PCDHGB7: variants seen among roughly 807,000 people sequenced by gnomAD.
PCDHGB7 encodes protocadherin gamma subfamily B, 7.
PCDHGB7 carries 37 observed loss-of-function variants against 61.4 expected under a neutral mutation model. The ratio of observed to expected loss-of-function variants is 0.60; its 90% CI spans 0.46 to 0.79. The LOEUF (loss-of-function observed/expected upper bound fraction) is 0.79, where lower values mean the gene tolerates loss of function less well. PCDHGB7 is among the 30% of genes least tolerant of loss of function. The probability of loss-of-function intolerance (pLI) is 0.00; values close to 1 mark genes in which losing one functional copy is unlikely to be tolerated. For synonymous variants in PCDHGB7, 464 were observed against 503.5 expected (o/e 0.92, Z 1.05); for missense variants, 1,166 against 1,202.5 (o/e 0.97, Z 0.45).
chr5:141,423,539 T>C (rs747825176), intron 1 of PCDHGB7: 10 of 1,613,140 alleles, frequency 6.2e-6, no homozygotes, highest in Non-Finnish European at 8.5e-6. Flanking sequence ...CACCTGATTT[T>C]CCCCCAGCCC....
At position 141,490,328 on chromosome 5, in the gene PCDHGB7, C is replaced by T; in HGVS notation, c.2416-4479C>T. 2 of 1,614,228 alleles carry T rather than the reference C, an allele frequency of 1.2e-6. No homozygotes were observed. Among genetic ancestry groups the T allele is most frequent in the Non-Finnish European group, 1.7e-6 (2 of 1,180,048 alleles). Reference sequence around the variant, plus strand: ...TTGGCCAACCCTGTCCTAGAGAGCACACCAGTGGGCACAGTAGTGGGGTTG... The same window carrying T: ...TTGGCCAACCCTGTCCTAGAGAGCATACCAGTGGGCACAGTAGTGGGGTTG... On this transcript the variant is annotated intron_variant, in intron 1 of 3. Coordinates refer to ENST00000398594, the MANE Select transcript of PCDHGB7 (RefSeq NM_018927.4). The surrounding 1 kb of genome is among the most constrained non-coding windows in gnomAD (Gnocchi z 5.4).
chr5:141,421,811 T>A, intron 1 of PCDHGB7: 1 of 1,613,766 alleles, frequency 6.2e-7, no homozygotes, highest in Non-Finnish European at 8.5e-7. Flanking sequence ...AATCCAGAGC[T>A]AGTACTGGAG....
intron 1 of PCDHGB7, among the ~76,000 whole-genome samples, chr5:141,447,984 G>C (rs1300057273): frequency 6.6e-6 from 1 of 151,952 alleles, no homozygotes; most frequent in African/African-American, 2.4e-5. Context: ...TACTCGGGAG[G>C]CTGAGGCATG....
At chr5:141,478,496 C>G in intron 1 of PCDHGB7, 1 of 1,613,014 alleles carries the variant, frequency 6.2e-7, no homozygotes, top group Non-Finnish European at 8.5e-7. Flanking sequence ...GAGCTGTGAT[C>G]CGGTGTTCTA....
chr5:141,465,574 C>T (rs1477852984), intron 1 of PCDHGB7, among the ~76,000 whole-genome samples: 2 of 152,160 alleles, frequency 1.3e-5, no homozygotes, highest in Admixed American at 1.3e-4. Context: ...TTTCTCAAAA[C>T]ACTCTCATAA....
At position 141,431,178 on chromosome 5, in the gene PCDHGB7, T is replaced by A; in HGVS notation, c.2415+10904T>A. 2 of 1,614,078 alleles carry A rather than the reference T, an allele frequency of 1.2e-6. No individual in the cohort carries two copies. Among genetic ancestry groups the A allele is most frequent in the Non-Finnish European group, 1.7e-6 (2 of 1,180,000 alleles). On this transcript the variant is annotated intron_variant, in intron 1 of 3. Coordinates refer to ENST00000398594, the MANE Select transcript of PCDHGB7 (RefSeq NM_018927.4). This position sits in a 1 kb window ranked among gnomAD's most constrained non-coding sequence, Gnocchi z 4.8. ...TACTTTCGTGAAAGTGAATTAGAAATAAAAATTAGTGAAAATGCAGCCACT... is the reference window on the plus strand; with the variant it reads ...TACTTTCGTGAAAGTGAATTAGAAAAAAAAATTAGTGAAAATGCAGCCACT...
At chr5:141,499,212 G>A (rs904920940) in intron 2 of PCDHGB7, among the ~76,000 whole-genome samples, 1 of 151,898 alleles carries the variant, frequency 6.6e-6, no homozygotes, top group African/African-American at 2.4e-5. Context: ...TGTAACCCAG[G>A]CCCTGCCCTG....
rs1210499024 is a variant in PCDHGB7 at position 141,431,784 on chromosome 5, A to T, written c.2415+11510A>T. ...CTGATCACTGTTCTGGACGTGAACG[A>T]CAATGCCCCAGAAGTGGTCCTCACC... On this transcript the variant is annotated intron_variant, in intron 1 of 3. Transcript: ENST00000398594. This position sits in a 1 kb window ranked among gnomAD's most constrained non-coding sequence, Gnocchi z 4.8. The T allele has an allele frequency of 6.2e-7, 1 of 1,614,102 alleles. No homozygotes were observed. The highest frequency in any genetic ancestry group is 8.5e-7 in the Non-Finnish European group (1 of 1,180,030).
At chr5:141,472,347 C>G (rs992566469) in intron 1 of PCDHGB7, among the ~76,000 whole-genome samples, 11 of 152,028 alleles carry the variant, frequency 7.2e-5, no homozygotes, top group Non-Finnish European at 1.2e-4. Context: ...CGAGACCATC[C>G]TGGCTAACAC....
chr5:141,462,959 G>A lies in PCDHGB7; in HGVS notation c.2416-31848G>A, dbSNP rs188938907. 5.1e-3 allele frequency among the ~76,000 whole-genome samples: 776 copies of A among 152,188 alleles called. 5 individuals are homozygous for A. Among genetic ancestry groups the A allele is most frequent in the Non-Finnish European group, 8.2e-3 (557 of 67,994 alleles). On this transcript the variant is annotated intron_variant, in intron 1 of 3. Transcript: ENST00000398594. ...AAGGCTTGTTTTTAAGCTTTGTTAGGACAGGTCTGTAGTAACTTTTGCCTT... is the reference window on the plus strand; with the variant it reads ...AAGGCTTGTTTTTAAGCTTTGTTAGAACAGGTCTGTAGTAACTTTTGCCTT...
Position 141,491,176 on chromosome 5 carries a change from G to A in PCDHGB7, c.2416-3631G>A. The A allele has an allele frequency of 1.2e-6, 2 of 1,614,210 alleles. No homozygotes were observed. The highest frequency in any genetic ancestry group is 8.5e-7 in the Non-Finnish European group (1 of 1,180,024). On this transcript the variant is annotated intron_variant, in intron 1 of 3. Transcript: ENST00000398594. The surrounding 1 kb of genome is among the most constrained non-coding windows in gnomAD (Gnocchi z 6.9). ...TGACTCTGACACCCAGCAGGTGGTG[G>A]TCCTGGTGAGGGACAATGGTGACCC...
In PCDHGB7 at chr5:141,485,610, C is replaced by A; in HGVS notation, c.2416-9197C>A. ...CTGGACTTGGAAATTGGGGAGGCAGCTCCTCCAGGACAGCGTTTCCCGTTG... is the reference window on the plus strand; with the variant it reads ...CTGGACTTGGAAATTGGGGAGGCAGATCCTCCAGGACAGCGTTTCCCGTTG... On this transcript the variant is annotated intron_variant, in intron 1 of 3. Coordinates refer to ENST00000398594, the MANE Select transcript of PCDHGB7 (RefSeq NM_018927.4). This position sits in a 1 kb window ranked among gnomAD's most constrained non-coding sequence, Gnocchi z 5.7. The A allele has an allele frequency of 1.2e-6, 2 of 1,612,076 alleles. No individual in the cohort carries two copies. The highest frequency in any genetic ancestry group is 1.7e-6 in the Non-Finnish European group (2 of 1,178,616).
At chr5:141,455,690 C>T (rs1209152869) in intron 1 of PCDHGB7, among the ~76,000 whole-genome samples, 1 of 152,064 alleles carries the variant, frequency 6.6e-6, no homozygotes, top group Non-Finnish European at 1.5e-5. Context: ...CTGTGGGAAT[C>T]GCCAAGTTGA....
intron 1 of PCDHGB7, among the ~76,000 whole-genome samples, chr5:141,439,270 A>G (rs1381185021): frequency 6.6e-6 from 1 of 152,140 alleles, no homozygotes; most frequent in African/African-American, 2.4e-5. Flanking sequence ...CCAACAGTTC[A>G]TTCTGAGACT....
intron 1 of PCDHGB7, among the ~76,000 whole-genome samples, chr5:141,482,057 C>A (rs2099551189): frequency 6.7e-6 from 1 of 149,978 alleles, no homozygotes; most frequent in Non-Finnish European, 1.5e-5. Flanking sequence ...TGCATTCCAG[C>A]CTGGGCAACA....
rs774649069 is a variant in PCDHGB7 at position 141,477,417 on chromosome 5, C to G, written c.2416-17390C>G. The G allele has an allele frequency of 1.2e-6, 2 of 1,614,172 alleles. No individual in the cohort carries two copies. The highest frequency in any genetic ancestry group is 2.7e-5 in the African/African-American group (2 of 75,032). On this transcript the variant is annotated intron_variant, in intron 1 of 3. Coordinates refer to ENST00000398594, the MANE Select transcript of PCDHGB7 (RefSeq NM_018927.4). The surrounding 1 kb of genome is among the most constrained non-coding windows in gnomAD (Gnocchi z 4.9). Reference sequence around the variant, plus strand: ...AGCATCACCGCCCGAGACGCCGGAACCCCTTCCCTCTCAGCCCTTACAATA... The same window carrying G: ...AGCATCACCGCCCGAGACGCCGGAAGCCCTTCCCTCTCAGCCCTTACAATA...
intron 1 of PCDHGB7, among the ~76,000 whole-genome samples, chr5:141,469,045 G>C (rs35157158): frequency 1.4e-3 from 207 of 152,234 alleles, no homozygotes; most frequent in Middle Eastern, 0.01. Flanking sequence ...GGGAGGCCAA[G>C]GTGGGAGGAT....
At position 141,491,168 on chromosome 5, in the gene PCDHGB7, A is replaced by T. The variant is rs1293664414; in HGVS notation, c.2416-3639A>T. On this transcript the variant is annotated intron_variant, in intron 1 of 3. Transcript: ENST00000398594. This position sits in a 1 kb window ranked among gnomAD's most constrained non-coding sequence, Gnocchi z 6.9. ...CTGGAGGATGACTCTGACACCCAGC[A>T]GGTGGTGGTCCTGGTGAGGGACAAT... 3.1e-6 allele frequency: 5 copies of T among 1,614,160 alleles called. No individual in the cohort carries two copies. The highest frequency in any genetic ancestry group is 4.2e-6 in the Non-Finnish European group (5 of 1,179,988).
rs1267965791 is a variant in PCDHGB7, at chr5:141,431,329, G to C, written c.2415+11055G>C. 1 of 1,614,002 alleles carries C rather than the reference G, an allele frequency of 6.2e-7. No individual in the cohort carries two copies. Among genetic ancestry groups the C allele is most frequent in the East Asian group, 2.2e-5 (1 of 44,904 alleles). On this transcript the variant is annotated intron_variant, in intron 1 of 3. Coordinates refer to ENST00000398594, the MANE Select transcript of PCDHGB7 (RefSeq NM_018927.4). The surrounding 1 kb of genome is among the most constrained non-coding windows in gnomAD (Gnocchi z 4.8). ...TGCAAAATGGAGCCGACGGTAGTAA[G>C]TACCCCGAATTGGTGCTGAAACGCG...
Sources: gnomAD v4.1 joint callset for allele counts (sites outside exome capture counted in the v4.1 genomes callset) on GRCh38, gnomAD v4.1.1 for gene constraint, Gnocchi (gnomAD v3.1) non-coding constraint, MANE v1.5 for transcripts, NCBI Gene and HGNC (gene_info 2026-07-23, HGNC 2026-07-21) for gene names.